HOMER1: variants seen among roughly 807,000 people sequenced by gnomAD.
HOMER1 encodes homer scaffold protein 1, also known as homer protein homolog 1.
HOMER1 carries 3 observed loss-of-function variants against 48.9 expected under a neutral mutation model. The ratio of observed to expected loss-of-function variants is 0.06; its 90% confidence interval spans 0.03 to 0.16. The LOEUF is 0.16. Among genes scored for constraint, HOMER1 ranks in the 10% least tolerant of loss-of-function variants. The pLI is 1.00. For missense variants in HOMER1, 247 were observed against 411.4 expected (o/e 0.60, Z 3.46); for synonymous variants, 134 against 146.4 (o/e 0.92, Z 0.61).
intron 1 of HOMER1, among the ~76,000 whole-genome samples, chr5:79,493,055 A>G (rs1267076187): frequency 1.3e-5 from 2 of 151,870 alleles, no homozygotes; most frequent in African/African-American, 4.8e-5. Flanking sequence ...AGTAGCTGGA[A>G]CTACAGGCAT....
At chr5:79,507,041 G>A (rs971002859) in intron 1 of HOMER1, among the ~76,000 whole-genome samples, 126 of 151,374 alleles carry the variant, frequency 8.3e-4, no homozygotes, top group African/African-American at 2.9e-3. Flanking sequence ...GTGAAACCCC[G>A]TCTCTACTAA....
intron 5 of HOMER1, among the ~76,000 whole-genome samples, chr5:79,435,677 A>G (rs1286065669): frequency 6.7e-6 from 1 of 149,922 alleles, no homozygotes; most frequent in Non-Finnish European, 1.5e-5. Context: ...TAAAAATACA[A>G]AAAATTAGCA....
At chr5:79,435,197 A>G (rs1750541492) in intron 5 of HOMER1, among the ~76,000 whole-genome samples, 2 of 150,348 alleles carry the variant, frequency 1.3e-5, no homozygotes, top group South Asian at 4.1e-4. Flanking sequence ...AAAGACTTAA[A>G]GAACAAACTA....
intron 1 of HOMER1, among the ~76,000 whole-genome samples, chr5:79,478,989 T>C (rs188952373): frequency 6.6e-6 from 1 of 152,288 alleles, no homozygotes. Context: ...TAAATTTTAA[T>C]ATGGCCTATT....
chr5:79,415,842 G>A (rs1749929831), intron 5 of HOMER1, among the ~76,000 whole-genome samples: 1 of 152,172 alleles, frequency 6.6e-6, no homozygotes, highest in Non-Finnish European at 1.5e-5. Context: ...GCTCGAATCT[G>A]ATGACTTGCT....
chr5:79,446,228 C>A (rs1300278329), intron 4 of HOMER1, among the ~76,000 whole-genome samples: 1 of 152,138 alleles, frequency 6.6e-6, no homozygotes, highest in East Asian at 1.9e-4. Flanking sequence ...GGCCAGTTAC[C>A]AGACAATGAG....
chr5:79,382,413 T>C (rs780458585), intron 8 of HOMER1, among the ~76,000 whole-genome samples: 2 of 152,156 alleles, frequency 1.3e-5, no homozygotes, highest in Non-Finnish European at 2.9e-5. Flanking sequence ...GATAAGCATC[T>C]TGTCACCTAA....
At chr5:79,387,407 T>A (rs1004907247) in intron 8 of HOMER1, among the ~76,000 whole-genome samples, 6 of 152,050 alleles carry the variant, frequency 3.9e-5, no homozygotes, top group Non-Finnish European at 7.4e-5. Flanking sequence ...GGGATTACAG[T>A]ACTAAACCCA....
At chr5:79,458,632 T>G (rs1474486615) in intron 1 of HOMER1, among the ~76,000 whole-genome samples, 2 of 152,130 alleles carry the variant, frequency 1.3e-5, no homozygotes, top group African/African-American at 2.4e-5. Flanking sequence ...CCTGGCACTT[T>G]CCTAGTTTTA....
At chr5:79,379,079 CATATATATATATATATAT>C (rs3082000) in intron 8 of HOMER1, among the ~76,000 whole-genome samples, 30 of 55,216 alleles carry the variant, frequency 5.4e-4, no homozygotes, top group Non-Finnish European at 9.1e-4. Flanking sequence ...ACCTTTTGTC[CATATATATATATATATAT>C]ATATATATAT....
intron 1 of HOMER1, among the ~76,000 whole-genome samples, chr5:79,496,983 C>G (rs1752438785): frequency 6.9e-6 from 1 of 145,792 alleles, no homozygotes; most frequent in East Asian, 2.2e-4. Flanking sequence ...GAAGAATTGC[C>G]TGAACCCAGG....
chr5:79,449,101 G>T (rs1318370331), intron 3 of HOMER1, among the ~76,000 whole-genome samples: 2 of 152,032 alleles, frequency 1.3e-5, no homozygotes, highest in Admixed American at 1.3e-4. Context: ...ATGTAACGAA[G>T]AACTTAATTT....
At chr5:79,430,986 C>T (rs149951878) in intron 5 of HOMER1, among the ~76,000 whole-genome samples, 84 of 151,450 alleles carry the variant, frequency 5.5e-4, no homozygotes, top group African/African-American at 2.0e-3. Context: ...GAATATCAGA[C>T]AAGAAAAGGA....
chr5:79,470,842 T>G (rs1397793233), intron 1 of HOMER1, among the ~76,000 whole-genome samples: 1 of 152,148 alleles, frequency 6.6e-6, no homozygotes, highest in African/African-American at 2.4e-5. Flanking sequence ...GCATATCCAG[T>G]GACATAAAAT....
intron 1 of HOMER1, among the ~76,000 whole-genome samples, chr5:79,505,957 T>C (rs1752753835): frequency 2.0e-5 from 3 of 152,158 alleles, no homozygotes; most frequent in Admixed American, 2.0e-4. Flanking sequence ...CACAATCCAT[T>C]TTTGGGCGGA....
At chr5:79,500,231 T>C (rs979508372) in intron 1 of HOMER1, among the ~76,000 whole-genome samples, 1 of 152,102 alleles carries the variant, frequency 6.6e-6, no homozygotes, top group African/African-American at 2.4e-5. Context: ...GGGTGAAGGA[T>C]TACTATTAAA....
intron 1 of HOMER1, among the ~76,000 whole-genome samples, chr5:79,492,933 T>C (rs1157568441): frequency 4.7e-5 from 5 of 107,162 alleles, no homozygotes; most frequent in African/African-American, 2.5e-4. Flanking sequence ...TTTTTTTTTT[T>C]TTAAAGACAG....
chr5:79,467,124 C>T (rs760400721), intron 1 of HOMER1, among the ~76,000 whole-genome samples: 7 of 151,882 alleles, frequency 4.6e-5, no homozygotes, highest in Admixed American at 6.6e-5. Context: ...TTAGGCTGGG[C>T]GCAGAGGATC....
intron 5 of HOMER1, among the ~76,000 whole-genome samples, chr5:79,411,727 G>C (rs968208173): frequency 3.9e-5 from 6 of 152,300 alleles, no homozygotes; most frequent in Admixed American, 1.3e-4. Flanking sequence ...CCCATTATTA[G>C]AGTCTCTATA....
Sources: allele counts gnomAD v4.1 joint callset (sites outside exome capture counted in the v4.1 genomes callset), GRCh38; gene constraint gnomAD v4.1.1; transcripts MANE v1.5; gene names NCBI Gene and HGNC (gene_info 2026-07-23, HGNC 2026-07-21).